The following SH3RF3 variants were observed in gnomAD, a reference collection of about 807,000 sequenced individuals.
The protein encoded by SH3RF3 is E3 ubiquitin-protein ligase SH3RF3.
A neutral mutation model predicts 66.3 loss-of-function variants in SH3RF3; 29 were observed. The observed-to-expected ratio is 0.44, with a 90% CI of 0.33 to 0.60. The LOEUF (loss-of-function observed/expected upper bound fraction) is 0.60, where lower values mean the gene tolerates loss of function less well. SH3RF3 is among the 20% of genes least tolerant of loss of function. The pLI, the probability that SH3RF3 is intolerant of heterozygous loss-of-function variation, is 0.04. For missense variants in SH3RF3, 1,194 were observed against 1,190.9 expected, an observed-to-expected ratio of 1.00 and a Z score of -0.04; for synonymous variants, 583 against 532.0, an observed-to-expected ratio of 1.10 and a Z score of -1.32.
At chr2:109,284,971 A>C (rs1471564757) in intron 1 of SH3RF3, among the ~76,000 whole-genome samples, 1 of 152,222 alleles carries the variant, frequency 6.6e-6, no homozygotes, top group Admixed American at 6.5e-5. Context: ...GTGCCATCAG[A>C]AGTGAAGTCA....
intron 1 of SH3RF3, among the ~76,000 whole-genome samples, chr2:109,218,163 A>G (rs897030844): frequency 1.3e-5 from 2 of 152,052 alleles, no homozygotes; most frequent in Admixed American, 1.3e-4. Context: ...TTAAAAAAAA[A>G]AAATCCTGCC....
At chr2:109,347,344 C>T (rs1443497815) in intron 1 of SH3RF3, among the ~76,000 whole-genome samples, 1 of 152,158 alleles carries the variant, frequency 6.6e-6, no homozygotes, top group African/African-American at 2.4e-5. Context: ...CTCTGTGCCT[C>T]AGTGTCCCCA....
At chr2:109,297,107 A>G (rs866527332) in intron 1 of SH3RF3, among the ~76,000 whole-genome samples, 1 of 151,938 alleles carries the variant, frequency 6.6e-6, no homozygotes, top group East Asian at 1.9e-4. Context: ...GGGAAGCCCA[A>G]TACGGCTCCA....
Position 109,495,477 on chromosome 2 carries a change from C to CTTT in SH3RF3, c.2480+4571_2480+4573dup, listed in dbSNP as rs569509984. Among the ~76,000 whole-genome samples, 655 of 94,180 alleles carry CTTT rather than the reference C, an allele frequency of 7.0e-3. 39 individuals carry two copies. The highest frequency in any genetic ancestry group is 0.01 in the African/African-American group (220 of 21,880). The allele number at this position is 94,180 out of a possible 152,430, so 61.8% of individuals were successfully genotyped here. A position where few individuals can be genotyped will look rare whatever the true frequency, so the allele number is the denominator to read the frequency against. The stretch of plus-strand genomic sequence containing the variant: ...ATTTCATCCTGAATATCTTTCATTC[C>CTTT]TTTTTTTTTTTTTTTTTTTTTTTTT... On this transcript the variant is annotated intron_variant, in intron 9 of 9. Transcript: ENST00000309415.
intron 1 of SH3RF3, among the ~76,000 whole-genome samples, chr2:109,249,168 C>T (rs2105248228): frequency 6.6e-6 from 1 of 152,182 alleles, no homozygotes; most frequent in Non-Finnish European, 1.5e-5. Context: ...AGGTGTGGGC[C>T]ACCACACCTG....
chr2:109,435,780 T>G (rs114144778), intron 6 of SH3RF3, among the ~76,000 whole-genome samples: 359 of 152,366 alleles, frequency 2.4e-3, no homozygotes, highest in Non-Finnish European at 4.2e-3. Flanking sequence ...TTTTTAAAAA[T>G]GATTTCCTCG....
At chr2:109,172,737 G>T (rs1042517907) in intron 1 of SH3RF3, among the ~76,000 whole-genome samples, 4 of 152,206 alleles carry the variant, frequency 2.6e-5, no homozygotes, top group Non-Finnish European at 5.9e-5. Flanking sequence ...GCTCTGGCAG[G>T]GATGCTGGAC....
chr2:109,340,524 G>C (rs557054060), intron 1 of SH3RF3, among the ~76,000 whole-genome samples: 3 of 152,190 alleles, frequency 2.0e-5, no homozygotes, highest in Non-Finnish European at 4.4e-5. Context: ...GCGGTCCTCA[G>C]TTCTCCCATC....
chr2:109,269,137 G>A (rs1405806830), intron 1 of SH3RF3, among the ~76,000 whole-genome samples: 3 of 152,228 alleles, frequency 2.0e-5, no homozygotes, highest in Admixed American at 6.5e-5. Flanking sequence ...CATTGGAAGC[G>A]TGGGCATCAT....
chr2:109,212,402 C>T (rs767984149), intron 1 of SH3RF3, among the ~76,000 whole-genome samples: 7 of 152,192 alleles, frequency 4.6e-5, no homozygotes, highest in Admixed American at 1.3e-4. Context: ...CCAACTTGGA[C>T]AGTATTTCAT....
chr2:109,437,935 T>C (rs1366918517), intron 7 of SH3RF3, among the ~76,000 whole-genome samples: 1 of 152,160 alleles, frequency 6.6e-6, no homozygotes, highest in African/African-American at 2.4e-5. Context: ...TGATGCCAAG[T>C]ACCCCAGGAC....
chr2:109,246,695 G>A (rs750940730), intron 1 of SH3RF3, among the ~76,000 whole-genome samples: 9 of 152,134 alleles, frequency 5.9e-5, no homozygotes, highest in Non-Finnish European at 1.2e-4. Flanking sequence ...GCCCTGGCTC[G>A]TCCTAAGGCT....
intron 1 of SH3RF3, among the ~76,000 whole-genome samples, chr2:109,314,359 G>T (rs1448979703): frequency 6.6e-6 from 1 of 152,174 alleles, no homozygotes; most frequent in African/African-American, 2.4e-5. Flanking sequence ...AAATGGCTCC[G>T]TTGAAGGGTG....
rs1277272591 is a variant in SH3RF3 at position 109,247,524 on chromosome 2, C to T, written c.574-100150C>T. Reference sequence around the variant, plus strand: ...CCACCTTAAGGCAGGCATGGGTGGTCACGTGTCAGTCCAGCCTGCTGTGCT... The same window carrying T: ...CCACCTTAAGGCAGGCATGGGTGGTTACGTGTCAGTCCAGCCTGCTGTGCT... On this transcript the variant is annotated intron_variant, in intron 1 of 9. Transcript: ENST00000309415. Among the ~76,000 whole-genome samples the T allele has an allele frequency of 2.6e-5, 4 of 152,284 alleles. No individual in the cohort carries two copies. In the East Asian group the frequency reaches 7.7e-4, roughly 29 times the overall value.
chr2:109,288,453 G>A (rs949711806), intron 1 of SH3RF3, among the ~76,000 whole-genome samples: 1 of 152,236 alleles, frequency 6.6e-6, no homozygotes, highest in Non-Finnish European at 1.5e-5. Flanking sequence ...AAGCCAGAAA[G>A]TATGAGAGCC....
chr2:109,229,885 C>T (rs530330852), intron 1 of SH3RF3, among the ~76,000 whole-genome samples: 60 of 147,928 alleles, frequency 4.1e-4, no homozygotes, highest in Non-Finnish European at 6.5e-4. Flanking sequence ...AGTGCAGTGG[C>T]GCAATCTTGG....
At chr2:109,311,714 T>G (rs569144011) in intron 1 of SH3RF3, among the ~76,000 whole-genome samples, 8 of 152,342 alleles carry the variant, frequency 5.3e-5, no homozygotes, top group African/African-American at 1.9e-4. Context: ...TGGTGGTGGT[T>G]TTGTTTTTCC....
chr2:109,425,370 A>G (rs983693989), intron 5 of SH3RF3, among the ~76,000 whole-genome samples: 2 of 146,776 alleles, frequency 1.4e-5, no homozygotes, highest in African/African-American at 2.8e-5. Context: ...GGCGACACTA[A>G]ACAACAGATT....
chr2:109,301,547 C>T (rs7601259), intron 1 of SH3RF3, among the ~76,000 whole-genome samples: 41,551 of 151,938 alleles, frequency 0.27, 7,423 homozygotes, highest in African/African-American at 0.5. Context: ...GTGCCCAGAG[C>T]CCATAAACCA....
Sources: allele counts gnomAD v4.1 joint callset (sites outside exome capture counted in the v4.1 genomes callset), GRCh38; gene constraint gnomAD v4.1.1; transcripts MANE v1.5; gene names NCBI Gene and HGNC (gene_info 2026-07-23, HGNC 2026-07-21).